The following SQLE variants were observed in gnomAD, a reference collection of about 807,000 sequenced individuals.
SQLE encodes the protein squalene epoxidase, also known as squalene monooxygenase.
Under a neutral mutation model 60.7 loss-of-function variants are expected in SQLE, and 29 were observed. That is an observed-to-expected ratio of 0.48 (90% CI 0.36 to 0.65). The LOEUF (loss-of-function observed/expected upper bound fraction) is 0.65. SQLE is among the 30% of genes least tolerant of loss of function. The pLI, the probability that SQLE is intolerant of heterozygous loss-of-function variation, is 0.00. For missense variants in SQLE, 605 were observed against 684.1 expected, an observed-to-expected ratio of 0.88 and a Z score of 1.29; for synonymous variants, 237 against 246.8, an observed-to-expected ratio of 0.96 and a Z score of 0.37.
At chr8:125,011,804 T>C (rs1267295114) in intron 7 of SQLE, among the ~76,000 whole-genome samples, 172 bp downstream of exon 7, 1 of 136,704 alleles carries the variant, frequency 7.3e-6, no homozygotes, top group African/African-American at 2.9e-5. Flanking sequence ...TAACATTGAG[T>C]GTATACAAGT....
chr8:125,009,369 A>T, intron 6 of SQLE, 26 bp downstream of exon 6: 1 of 1,592,102 alleles, frequency 6.3e-7, no homozygotes, highest in South Asian at 1.1e-5. Context: ...TTCAGTTCTT[A>T]CAAAGGCTGT....
rs1389365440 is a variant in SQLE at position 125,018,220 on chromosome 8, A to G, written c.1347+19A>G. On this transcript the variant is annotated intron_variant, in intron 8 of 10. Transcript: ENST00000265896. ...TTTCGAGGTAAGATCAATTATTTTG[A>G]CAAAAATGTCTCAAAATGGATTTAT... 1.2e-6 allele frequency: 2 copies of G among 1,609,610 alleles called. No individual in the cohort carries two copies. Among genetic ancestry groups the G allele is most frequent in the Non-Finnish European group, 1.7e-6 (2 of 1,178,216 alleles).
At chr8:125,001,780 C>T (rs904314384) in intron 1 of SQLE, among the ~76,000 whole-genome samples, 21 of 146,510 alleles carry the variant, frequency 1.4e-4, no homozygotes, top group African/African-American at 4.9e-4. Context: ...TTTTAGGCTT[C>T]GTCTTCCTTT....
chr8:125,006,525 G>A (rs1201220235), intron 3 of SQLE, among the ~76,000 whole-genome samples: 1 of 151,070 alleles, frequency 6.6e-6, no homozygotes, highest in Non-Finnish European at 1.5e-5. Context: ...GGAGGCTAAG[G>A]CAGGAGAATT....
chr8:125,009,121 G>T, intron 5 of SQLE, 37 bp downstream of exon 5: 1 of 1,567,610 alleles, frequency 6.4e-7, no homozygotes, highest in Non-Finnish European at 8.6e-7. Flanking sequence ...TTCAATAAAA[G>T]AAACTTGAAA....
chr8:125,017,872 A>G (rs1159002546), intron 7 of SQLE, 187 bp from the exon 8 acceptor site: 1 of 623,784 alleles, frequency 1.6e-6, no homozygotes, highest in African/African-American at 1.8e-5. Flanking sequence ...CCTATTAGGT[A>G]CCCAACATTG....
chr8:125,017,769 T>G (rs902645195), intron 7 of SQLE, among the ~76,000 whole-genome samples: 2 of 152,236 alleles, frequency 1.3e-5, no homozygotes, highest in African/African-American at 4.8e-5. Flanking sequence ...ACAAATGTAT[T>G]GACATTATTG....
chr8:125,007,324 G>A (rs1245220938), intron 3 of SQLE, 67 bp from the exon 4 acceptor site: 11 of 1,202,608 alleles, frequency 9.1e-6, no homozygotes, highest in Non-Finnish European at 1.3e-5. Context: ...TGGAGATAAG[G>A]AATTTATATT....
chr8:124,998,876 C>A lies in SQLE; in HGVS notation c.-528C>A. 1 of 381,824 alleles carries A rather than the reference C, an allele frequency of 2.6e-6. No homozygotes were observed. The highest frequency in any genetic ancestry group is 4.7e-6 in the Non-Finnish European group (1 of 214,604). 23.7% of individuals were successfully genotyped at this position (381,824 alleles called of 1,614,324 possible). A position where few individuals can be genotyped will look rare whatever the true frequency, so the allele number is the denominator to read the frequency against. ...GCGGAAAAAGAAGCCTCTGAACCCG[C>A]GCCGGCCCGCAGCCCCCGTGCCTTC... On this transcript the variant is annotated 5_prime_UTR_variant, in exon 1 of 11. Transcript: ENST00000265896.
chr8:125,018,412 A>G (rs1481833920), intron 8 of SQLE, among the ~76,000 whole-genome samples: 1 of 152,186 alleles, frequency 6.6e-6, no homozygotes, highest in Non-Finnish European at 1.5e-5. Context: ...CTTGATTGCT[A>G]TGGGCCACTT....
chr8:125,005,013 A>G (rs779571985), intron 2 of SQLE, among the ~76,000 whole-genome samples: 1 of 152,202 alleles, frequency 6.6e-6, no homozygotes, highest in Non-Finnish European at 1.5e-5. Context: ...GTAATCATCA[A>G]CAGTTGGGGG....
chr8:125,009,948 C>T (rs1444004357), intron 6 of SQLE, among the ~76,000 whole-genome samples: 2 of 152,070 alleles, frequency 1.3e-5, no homozygotes, highest in African/African-American at 4.8e-5. Context: ...TATTTTTGTG[C>T]TTGGTTTTTG....
chr8:125,002,456 T>G (rs979640327), intron 1 of SQLE, among the ~76,000 whole-genome samples: 1 of 152,182 alleles, frequency 6.6e-6, no homozygotes, highest in African/African-American at 2.4e-5. Context: ...GGCAGGAGGA[T>G]CACCTGAGGT....
chr8:125,003,108 A>T, intron 1 of SQLE, 68 bp from the exon 2 acceptor site: 1 of 1,459,982 alleles, frequency 6.8e-7, no homozygotes, highest in South Asian at 1.4e-5. Context: ...CAGTGTGTCC[A>T]CATAGCGGTA....
In SQLE at chr8:125,011,660, A is replaced by G. The variant is rs147386277; in HGVS notation, c.1204+28A>G. On this transcript the variant is annotated intron_variant, in intron 7 of 10. Coordinates refer to ENST00000265896, the MANE Select transcript of SQLE (RefSeq NM_003129.4). ...ATTATTTTTTGGGCTTATTTTATAAAGGAATCAGTATTCCAAATGACAAAT... is the reference window on the plus strand; with the variant it reads ...ATTATTTTTTGGGCTTATTTTATAAGGGAATCAGTATTCCAAATGACAAAT... The G allele has an allele frequency of 1.4e-3, 2,142 of 1,511,096 alleles. 25 individuals carry two copies. The African/African-American group carries it at 0.026, about 18-fold the overall frequency. The allele number at this position is 1,511,096 out of a possible 1,614,324, so 93.6% of individuals were successfully genotyped here.
At chr8:125,017,628 AC>A (rs1167612178) in intron 7 of SQLE, among the ~76,000 whole-genome samples, 2 of 152,134 alleles carry the variant, frequency 1.3e-5, no homozygotes, top group Non-Finnish European at 2.9e-5. Flanking sequence ...CCAAGCTGGT[AC>A]CCAGGCTGAC....
rs1342490523 is a variant in SQLE at position 125,008,983 on chromosome 8, C to G, written c.835C>G (p.Pro279Ala). 6.3e-7 allele frequency: 1 copy of G among 1,580,984 alleles called. No homozygotes were observed. The highest frequency in any genetic ancestry group is 1.4e-5 in the African/African-American group (1 of 73,242). Residue 279 changes from proline to alanine, a missense_variant, in exon 5 of 11, where the codon CCA (proline) becomes GCA (alanine). Pro to Ala is a conservative substitution (Grantham distance 27). Coordinates refer to ENST00000265896, the MANE Select transcript of SQLE (RefSeq NM_003129.4). Reference sequence around the variant, plus strand: ...ATTTCTGTTATAGGAACTCCATGCTCCACTGACTGTTGTTGCAGATGGGCT... The same window carrying G: ...ATTTCTGTTATAGGAACTCCATGCTGCACTGACTGTTGTTGCAGATGGGCT... ...ETGDIKELHA[P>A]LTVVADGLFS...
chr8:125,018,554 C>A, intron 8 of SQLE, 77 bp from the exon 9 acceptor site: 2 of 871,992 alleles, frequency 2.3e-6, no homozygotes, highest in Non-Finnish European at 3.5e-6. Flanking sequence ...GGATAAGTAT[C>A]AGTTTGAGGG....
At chr8:125,000,529 C>T (rs1265883118) in intron 1 of SQLE, among the ~76,000 whole-genome samples, 2 of 152,170 alleles carry the variant, frequency 1.3e-5, no homozygotes, top group African/African-American at 4.8e-5. Context: ...CTGCAACCTC[C>T]GCCTCCCTGG....
Sources: allele counts gnomAD v4.1 joint callset (sites outside exome capture counted in the v4.1 genomes callset), GRCh38; gene constraint gnomAD v4.1.1; transcripts MANE v1.5; gene names NCBI Gene and HGNC (gene_info 2026-07-23, HGNC 2026-07-21).